NELL2: variants seen among roughly 807,000 people sequenced by gnomAD.
NELL2 encodes neural EGFL like 2.
NELL2 carries 41 observed loss-of-function variants against 109.6 expected under a neutral mutation model. That is an observed-to-expected ratio of 0.37 (90% CI 0.29 to 0.49). The LOEUF (loss-of-function observed/expected upper bound fraction) is 0.49, where lower values mean the gene tolerates loss of function less well. Ranked by LOEUF, NELL2 falls within the 20% of genes least tolerant of loss-of-function variation. The pLI, the probability that NELL2 is intolerant of heterozygous loss-of-function variation, is 0.98. For missense variants in NELL2, 900 were observed against 1,008.3 expected, an observed-to-expected ratio of 0.89 and a Z score of 1.45; for synonymous variants, 355 against 344.7, an observed-to-expected ratio of 1.03 and a Z score of -0.33.
At chr12:44,716,001 T>G (rs1020908636) in intron 9 of NELL2, among the ~76,000 whole-genome samples, 4 of 152,102 alleles carry the variant, frequency 2.6e-5, no homozygotes, top group Non-Finnish European at 5.9e-5. Context: ...GGTCTTGCTG[T>G]GTTGCCCACG....
chr12:44,599,545 C>T (rs1945117229), intron 15 of NELL2, among the ~76,000 whole-genome samples: 1 of 151,858 alleles, frequency 6.6e-6, no homozygotes. Flanking sequence ...AGGCACAACA[C>T]TGAGAGATAA....
At chr12:44,818,727 TTTTTTTTTTTTA>T (rs1409192211) in intron 2 of NELL2, among the ~76,000 whole-genome samples, 2,978 of 94,400 alleles carry the variant, frequency 0.032, 102 homozygotes, top group East Asian at 0.087. Context: ...GTTCACTTAT[TTTTTTTTTTTTA>T]TTTTTTTTTT....
At chr12:44,516,611 G>A (rs1941270000) in intron 19 of NELL2, among the ~76,000 whole-genome samples, 1 of 152,018 alleles carries the variant, frequency 6.6e-6, no homozygotes, top group Non-Finnish European at 1.5e-5. Flanking sequence ...TACTTTTTTA[G>A]TGAGTTGTTT....
intron 13 of NELL2, among the ~76,000 whole-genome samples, chr12:44,633,037 C>T (rs900391256): frequency 6.6e-6 from 1 of 151,822 alleles, no homozygotes; most frequent in African/African-American, 2.4e-5. Flanking sequence ...GAAATATGAG[C>T]CCATACAGGA....
At chr12:44,863,978 T>C (rs1291947532) in intron 2 of NELL2, among the ~76,000 whole-genome samples, 2 of 152,282 alleles carry the variant, frequency 1.3e-5, no homozygotes, top group East Asian at 3.9e-4. Context: ...AGTTAAGTTG[T>C]TATCAGGTTA....
intron 14 of NELL2, among the ~76,000 whole-genome samples, chr12:44,608,962 A>C (rs7966845): frequency 0.087 from 13,085 of 151,136 alleles, 627 homozygotes; most frequent in Non-Finnish European, 0.1. Context: ...TAAAGTTTAA[A>C]GTATAAGTTA....
rs553871329 is a variant in NELL2 at position 44,686,148 on chromosome 12, G to A, written c.1318+17578C>T. ...TCTTTTTCTCTAAACTTCCCTTCTCGCTTCATTTCATTCATTTCATCTTCC... is the reference window on the plus strand; with the variant it reads ...TCTTTTTCTCTAAACTTCCCTTCTCACTTCATTTCATTCATTTCATCTTCC... On this transcript the variant is annotated intron_variant, in intron 12 of 19. Coordinates refer to ENST00000429094, the MANE Select transcript of NELL2 (RefSeq NM_001145108.2). Among the ~76,000 whole-genome samples the A allele has an allele frequency of 2.6e-3, 389 of 151,832 alleles. 4 individuals carry two copies. The highest frequency in any genetic ancestry group is 8.4e-3 in the African/African-American group (349 of 41,398).
chr12:44,722,263 G>A (rs77303132), intron 9 of NELL2, among the ~76,000 whole-genome samples: 8,645 of 151,804 alleles, frequency 0.057, 699 homozygotes, highest in African/African-American at 0.19. Flanking sequence ...TCAACCTCCC[G>A]GGCTCAAGTG....
chr12:44,542,817 G>A (rs982224799), intron 15 of NELL2, among the ~76,000 whole-genome samples: 1 of 152,184 alleles, frequency 6.6e-6, no homozygotes, highest in Non-Finnish European at 1.5e-5. Context: ...AGATGGGGGA[G>A]GAGTTGGGGA....
chr12:44,537,126 G>A (rs1021756164), intron 15 of NELL2, among the ~76,000 whole-genome samples: 4 of 151,072 alleles, frequency 2.6e-5, no homozygotes, highest in African/African-American at 9.7e-5. Context: ...AAGACTGGTT[G>A]TTCTGTACAA....
chr12:44,612,331 C>A (rs1343404846), intron 13 of NELL2, among the ~76,000 whole-genome samples: 2 of 151,914 alleles, frequency 1.3e-5, no homozygotes, highest in East Asian at 1.9e-4. Context: ...TTAATTATAA[C>A]CCTGAAACTA....
chr12:44,510,873 G>A (rs1010838616), intron 19 of NELL2, among the ~76,000 whole-genome samples: 3 of 152,194 alleles, frequency 2.0e-5, no homozygotes, highest in Non-Finnish European at 4.4e-5. Flanking sequence ...TGCCGGCTCA[G>A]AGGCACAGGT....
chr12:44,689,248 C>T (rs1295121891), intron 12 of NELL2, among the ~76,000 whole-genome samples: 2 of 152,120 alleles, frequency 1.3e-5, no homozygotes, highest in African/African-American at 4.8e-5. Context: ...TTCTATGTCC[C>T]TATTGTCCCT....
At chr12:44,752,956 C>T (rs940030509) in intron 9 of NELL2, among the ~76,000 whole-genome samples, 5 of 152,146 alleles carry the variant, frequency 3.3e-5, no homozygotes, top group East Asian at 1.9e-4. Context: ...AGGTCTTGCA[C>T]GGTCTTGTAA....
intron 13 of NELL2, among the ~76,000 whole-genome samples, chr12:44,625,034 T>TATATATA (rs1555187351): frequency 2.6e-5 from 3 of 116,110 alleles, no homozygotes; most frequent in Non-Finnish European, 1.8e-5. Flanking sequence ...ATATATATAT[T>TATATATA]TCTGAACAAG....
At chr12:44,811,036 T>C (rs1050446794) in intron 3 of NELL2, among the ~76,000 whole-genome samples, 16 of 152,024 alleles carry the variant, frequency 1.1e-4, no homozygotes, top group Non-Finnish European at 1.5e-4. Context: ...GGGACATGGA[T>C]GAAGCTGAAA....
At chr12:44,565,627 A>C (rs963837602) in intron 15 of NELL2, among the ~76,000 whole-genome samples, 1 of 152,182 alleles carries the variant, frequency 6.6e-6, no homozygotes, top group East Asian at 1.9e-4. Flanking sequence ...GAGTGTACTA[A>C]AGTCAGAATG....
intron 1 of NELL2, among the ~76,000 whole-genome samples, chr12:44,905,676 T>A (rs1034567768): frequency 2.0e-5 from 3 of 152,116 alleles, no homozygotes; most frequent in African/African-American, 7.2e-5. Flanking sequence ...TTATTTTATA[T>A]CCTCTCTGGC....
rs1417876566 is a variant in NELL2 at position 44,508,690 on chromosome 12, G to A, written c.*244C>T. ...CAGGATGTCACGGTATATACTGTAC[G>A]CCCATTCTTCTACATGGTGATGTGA... On this transcript the variant is annotated 3_prime_UTR_variant, in exon 20 of 20. Transcript: ENST00000429094. 1.2e-5 allele frequency: 6 copies of A among 496,140 alleles called. No homozygotes were observed. The highest frequency in any genetic ancestry group is 3.5e-5 in the Admixed American group (1 of 28,464). The allele number at this position is 496,140 out of a possible 1,614,324, so 30.7% of individuals were successfully genotyped here.
Sources: allele counts gnomAD v4.1 joint callset (sites outside exome capture counted in the v4.1 genomes callset), GRCh38; gene constraint gnomAD v4.1.1; transcripts MANE v1.5; gene names NCBI Gene and HGNC (gene_info 2026-07-23, HGNC 2026-07-21).